Variants in UROC1 observed in about 807,000 individuals in gnomAD.
The protein encoded by UROC1 is urocanate hydratase 1.
UROC1 carries 79 observed loss-of-function variants against 89.5 expected under a neutral mutation model. That is an observed-to-expected ratio of 0.88 (90% CI 0.74 to 1.06). UROC1 has a LOEUF of 1.06. Among genes scored for constraint, UROC1 ranks in the 50% least tolerant of loss-of-function variants. The pLI is 0.00. For synonymous variants in UROC1, 361 were observed against 354.8 expected, an observed-to-expected ratio of 1.02 and a Z score of -0.20; for missense variants, 885 against 907.8, an observed-to-expected ratio of 0.97 and a Z score of 0.32.
At chr3:126,508,171 G>T in intron 4 of UROC1, 76 bp from the exon 5 acceptor site, 2 of 1,610,640 alleles carry the variant, frequency 1.2e-6, no homozygotes, top group Non-Finnish European at 8.5e-7. Context: ...CACCGTCCAC[G>T]CCTGGACAGC....
chr3:126,484,434 C>G (rs999966815), intron 18 of UROC1, among the ~76,000 whole-genome samples: 1 of 152,252 alleles, frequency 6.6e-6, no homozygotes, highest in Admixed American at 6.5e-5. Context: ...TGTGTTGTTG[C>G]AAATGTGTCC....
intron 8 of UROC1, among the ~76,000 whole-genome samples, chr3:126,505,295 G>A (rs1440468383): frequency 6.6e-6 from 1 of 152,158 alleles, no homozygotes; most frequent in Non-Finnish European, 1.5e-5. Context: ...CCTCTATGGA[G>A]GGTGACCTCT....
At chr3:126,512,123 G>C (rs1936209107) in intron 1 of UROC1, among the ~76,000 whole-genome samples, 1 of 152,214 alleles carries the variant, frequency 6.6e-6, no homozygotes, top group Admixed American at 6.5e-5. Flanking sequence ...CCTTGGACTG[G>C]AGGCAGCTCT....
At chr3:126,486,374 T>G (rs1462053503) in intron 18 of UROC1, among the ~76,000 whole-genome samples, 1 of 152,242 alleles carries the variant, frequency 6.6e-6, no homozygotes, top group Non-Finnish European at 1.5e-5. Context: ...AACAAGAGCC[T>G]GGCTCTTGTC....
chr3:126,486,326 G>A (rs1233799841), intron 18 of UROC1, among the ~76,000 whole-genome samples: 1 of 152,232 alleles, frequency 6.6e-6, no homozygotes, highest in Non-Finnish European at 1.5e-5. Context: ...AGGGAAAGGA[G>A]ATCAGAAAAG....
chr3:126,510,937 C>T (rs1470254652), intron 1 of UROC1, 143 bp from the exon 2 acceptor site: 11 of 1,307,530 alleles, frequency 8.4e-6, no homozygotes, highest in East Asian at 5.1e-5. Context: ...ACTGTTCTCA[C>T]CCCAGGCCCA....
intron 1 of UROC1, among the ~76,000 whole-genome samples, chr3:126,514,752 A>AAGTAGGAGGAAAGTCT (rs1936263719): frequency 6.6e-6 from 1 of 151,840 alleles, no homozygotes; most frequent in Admixed American, 6.6e-5. Context: ...AGTAAAGAAA[A>AAGTAGGAGGAAAGTCT]AGTAGGAGGA....
chr3:126,501,208 C>A lies in UROC1; in HGVS notation c.965+10G>T. On this transcript the variant is annotated intron_variant, in intron 10 of 19. Transcript: ENST00000290868. ...CCCAAGCTGGCCATCAACTCCCAAC[C>A]CCCACTCACCAAAGAGCCACCACGT... 6.2e-7 allele frequency: 1 copy of A among 1,614,102 alleles called. No homozygotes were observed. The highest frequency in any genetic ancestry group is 1.7e-5 in the Admixed American group (1 of 60,032).
intron 13 of UROC1, among the ~76,000 whole-genome samples, chr3:126,499,052 G>A (rs1027233142): frequency 6.6e-6 from 1 of 151,962 alleles, no homozygotes; most frequent in Non-Finnish European, 1.5e-5. Context: ...AGGTGCAGTT[G>A]TTTGCCAGGA....
rs1936036976 is a variant in UROC1 at position 126,505,643 on chromosome 3, G to C, written c.813+58C>G. The stretch of plus-strand genomic sequence containing the variant: ...TAAGTGATCCGGGAGGAAGAAGGGA[G>C]GGAGGGAGGGAGGGAGGGAGGCAGG... On this transcript the variant is annotated intron_variant, in intron 8 of 19. Transcript: ENST00000290868. The C allele has an allele frequency of 5.6e-6, 9 of 1,599,408 alleles. No homozygotes were observed. The South Asian group carries it at 7.8e-5, about 14-fold the overall frequency.
intron 12 of UROC1, 47 bp downstream of exon 12, chr3:126,500,010 C>A (rs1401980046): frequency 6.4e-7 from 1 of 1,568,518 alleles, no homozygotes; most frequent in Non-Finnish European, 8.7e-7. Context: ...AGAGGCTGGG[C>A]CCAGGGTGGT....
In UROC1 at chr3:126,482,346, C is replaced by T; in HGVS notation, c.2030G>A (p.Ter677=). ...ERVLQQALQL[*] ...CAGGGGCCGCGACTCCTGGCTCCCT[C>T]AGAGCTGCAGGGCCTGCTGGAGCAC... Residue 677 remains the stop codon, a stop_retained_variant, in exon 20 of 20, where the codon TGA becomes TAA. Coordinates refer to ENST00000290868, the MANE Select transcript of UROC1 (RefSeq NM_144639.3). 1.2e-6 allele frequency: 2 copies of T among 1,612,764 alleles called. No homozygotes were observed. Among genetic ancestry groups the T allele is most frequent in the African/African-American group, 1.3e-5 (1 of 75,032 alleles).
chr3:126,512,301 C>T, intron 1 of UROC1, among the ~76,000 whole-genome samples: 1 of 152,260 alleles, frequency 6.6e-6, no homozygotes, highest in Non-Finnish European at 1.5e-5. Context: ...CCAGGAAGGG[C>T]TGTGTGGTGT....
chr3:126,506,113 C>A, intron 6 of UROC1, 102 bp from the exon 7 acceptor site: 1 of 1,236,474 alleles, frequency 8.1e-7, no homozygotes, highest in Non-Finnish European at 1.2e-6. Context: ...ATTTAACTAC[C>A]CAATAGGCAT....
At position 126,505,771 on chromosome 3, in the gene UROC1, C is replaced by A; in HGVS notation, c.743G>T (p.Gly248Val). ...CTGAGCCCCACTCATTCCGCCGAGC[C>A]CAGAGGTGACAAAGACCTTCCCAGC... ...DLAGKVFVTS[G>V]LGGMSGAQAK... Residue 248 changes from glycine (G) to valine (V), a missense_variant, in exon 8 of 20, where the codon GGG (glycine) becomes GTG (valine). Gly to Val is a moderately radical substitution (Grantham distance 109, BLOSUM62 -3). Transcript: ENST00000290868. 3 of 1,613,944 alleles carry A rather than the reference C, an allele frequency of 1.9e-6. No individual in the cohort carries two copies. The highest frequency in any genetic ancestry group is 2.5e-6 in the Non-Finnish European group (3 of 1,180,022).
chr3:126,508,334 G>A lies in UROC1; in HGVS notation c.411+82C>T, dbSNP rs1207299416. ...GAGGCAGAGGCCTGCATCCTGAGCT[G>A]TGGGTTTGTAAGCTCCTAGGCCAGA... On this transcript the variant is annotated intron_variant, in intron 4 of 19. Transcript: ENST00000290868. 4.1e-6 allele frequency: 6 copies of A among 1,471,806 alleles called. No homozygotes were observed. The African/African-American group carries it at 5.6e-5, about 14-fold the overall frequency. 91.2% of individuals were successfully genotyped at this position (1,471,806 alleles called of 1,614,324 possible).
chr3:126,492,889 G>A (rs773797270), intron 15 of UROC1, among the ~76,000 whole-genome samples: 7 of 152,328 alleles, frequency 4.6e-5, no homozygotes, highest in Middle Eastern at 3.4e-3. Flanking sequence ...TGACATCAAC[G>A]CCATCCAGGG....
In UROC1 at chr3:126,509,607, T is replaced by C. The variant is rs1455263079; in HGVS notation, c.329A>G (p.Asn110Ser). The change falls in exon 3 of 20, where the codon AAC (asparagine) becomes AGC (serine). Residue 110 changes from asparagine to serine, a missense_variant. Transcript: ENST00000290868. ...TACCTGGGCCACGGCAGGATCCAGG[T>C]TGTTCATAATCATGTGCATGATGGC... ...AAAIMHMIMN[N>S]LDPAVAQFPQ... is the part of the protein sequence containing the mutation. 16 of 1,551,826 alleles carry C rather than the reference T, an allele frequency of 1.0e-5. No homozygotes were observed. Among genetic ancestry groups the C allele is most frequent in the Non-Finnish European group, 1.3e-5 (15 of 1,147,134 alleles).
chr3:126,491,561 C>T (rs111776379), intron 16 of UROC1, among the ~76,000 whole-genome samples: 5 of 152,344 alleles, frequency 3.3e-5, no homozygotes, highest in African/African-American at 4.8e-5. Flanking sequence ...CCTTTGCTGC[C>T]GGTGCCAGCC....
Sources: allele counts gnomAD v4.1 joint callset (sites outside exome capture counted in the v4.1 genomes callset), GRCh38; gene constraint gnomAD v4.1.1; transcripts MANE v1.5; gene names NCBI Gene and HGNC (gene_info 2026-07-23, HGNC 2026-07-21).